The following DTWD2 variants were observed in gnomAD, a reference collection of about 807,000 sequenced individuals.
The protein encoded by DTWD2 is DTW motif tRNA-uridine aminocarboxypropyltransferase 2.
A neutral mutation model predicts 31.8 loss-of-function variants in DTWD2; 39 were observed. The ratio of observed to expected loss-of-function variants is 1.22; its 90% confidence interval spans 0.95 to 1.60. DTWD2 has a LOEUF of 1.60. Ranked by LOEUF, DTWD2 falls within the 40% of genes most tolerant of loss-of-function variation. The probability of loss-of-function intolerance (pLI) is 0.00; values close to 1 mark genes in which losing one functional copy is unlikely to be tolerated. For missense variants in DTWD2, 515 were observed against 381.5 expected (o/e 1.35, Z -2.92); for synonymous variants, 180 against 142.8 (o/e 1.26, Z -1.86).
chr5:118,950,568 A>G (rs1171338897), intron 1 of DTWD2, among the ~76,000 whole-genome samples: 2 of 152,312 alleles, frequency 1.3e-5, no homozygotes, highest in African/African-American at 2.4e-5. Flanking sequence ...CAAGTTGGAC[A>G]GTTCGATTTC....
chr5:118,934,856 C>T (rs145108030), intron 3 of DTWD2, among the ~76,000 whole-genome samples: 19 of 152,230 alleles, frequency 1.2e-4, no homozygotes, highest in African/African-American at 4.3e-4. Context: ...GACTTTAAGA[C>T]AAAGAGTATT....
At chr5:118,852,485 C>T (rs73236934) in intron 4 of DTWD2, among the ~76,000 whole-genome samples, 6,564 of 152,144 alleles carry the variant, frequency 0.043, 477 homozygotes, top group African/African-American at 0.15. Flanking sequence ...TTCAGGGTCC[C>T]TGAATTCCCA....
At chr5:118,897,343 A>G (rs1434981916) in intron 4 of DTWD2, among the ~76,000 whole-genome samples, 6 of 152,200 alleles carry the variant, frequency 3.9e-5, no homozygotes, top group Non-Finnish European at 8.8e-5. Context: ...TAGAGACAGA[A>G]TGTCTCTAAT....
chr5:118,905,393 CG>C (rs1753305583), intron 4 of DTWD2, among the ~76,000 whole-genome samples: 1 of 152,004 alleles, frequency 6.6e-6, no homozygotes, highest in Non-Finnish European at 1.5e-5. Context: ...AGCTGCAGAG[CG>C]TATAACATTC....
chr5:118,867,867 G>A (rs1752411867), intron 4 of DTWD2, among the ~76,000 whole-genome samples: 1 of 152,118 alleles, frequency 6.6e-6, no homozygotes, highest in East Asian at 1.9e-4. Context: ...ACAAACCAAC[G>A]CAATTCCTAT....
At chr5:118,878,846 T>C (rs1456592633) in intron 4 of DTWD2, among the ~76,000 whole-genome samples, 1 of 152,046 alleles carries the variant, frequency 6.6e-6, no homozygotes, top group African/African-American at 2.4e-5. Context: ...TATGAACACT[T>C]CAAAAGAAGA....
intron 2 of DTWD2, 121 bp downstream of exon 2, chr5:118,944,438 A>T (rs568043597): frequency 2.7e-5 from 27 of 1,014,240 alleles, no homozygotes; most frequent in Middle Eastern, 5.1e-4. Flanking sequence ...AAGAGAAAGC[A>T]TTTATCACCA....
intron 4 of DTWD2, among the ~76,000 whole-genome samples, chr5:118,877,327 C>G (rs1752643077): frequency 6.6e-6 from 1 of 151,936 alleles, no homozygotes; most frequent in South Asian, 2.1e-4. Flanking sequence ...AAAAAATTAG[C>G]CAGGCGTGGT....
intron 1 of DTWD2, among the ~76,000 whole-genome samples, chr5:118,951,756 G>T (rs897221224): frequency 3.9e-5 from 6 of 152,118 alleles, no homozygotes; most frequent in African/African-American, 1.4e-4. Context: ...AAAAGAGAGG[G>T]TAGAGACATG....
At chr5:118,866,127 T>C (rs961745366) in intron 4 of DTWD2, among the ~76,000 whole-genome samples, 5 of 152,154 alleles carry the variant, frequency 3.3e-5, no homozygotes, top group South Asian at 2.1e-4. Context: ...ATGAAAGTTA[T>C]GAATCTAAAA....
chr5:118,870,782 A>C (rs529227919), intron 4 of DTWD2, among the ~76,000 whole-genome samples: 13 of 152,276 alleles, frequency 8.5e-5, no homozygotes, highest in African/African-American at 2.6e-4. Flanking sequence ...TCCTTCCATG[A>C]AGGACTTCTC....
At chr5:118,873,384 A>G (rs1050515992) in intron 4 of DTWD2, among the ~76,000 whole-genome samples, 1 of 152,188 alleles carries the variant, frequency 6.6e-6, no homozygotes, top group Non-Finnish European at 1.5e-5. Flanking sequence ...ACACTTGCTT[A>G]AAGAGCAGCC....
Position 118,891,417 on chromosome 5 carries a change from G to C in DTWD2, c.597+37120C>G, listed in dbSNP as rs17144795. ...GCTCTTCTTTCTCTGAATTAATTAT[G>C]ACTACTGGACCAATTTAATACAGTG... On this transcript the variant is annotated intron_variant, in intron 4 of 5. Transcript: ENST00000510708. Among the ~76,000 whole-genome samples, 556 of 152,220 alleles carry C rather than the reference G, an allele frequency of 3.7e-3. 8 individuals are homozygous for C. Among genetic ancestry groups the C allele is most frequent in the East Asian group, 0.029 (149 of 5,180 alleles).
At chr5:118,925,838 C>A (rs1435900867) in intron 4 of DTWD2, among the ~76,000 whole-genome samples, 10 of 151,312 alleles carry the variant, frequency 6.6e-5, no homozygotes, top group Non-Finnish European at 1.3e-4. Flanking sequence ...AAGCAAGACT[C>A]CATCTCAAAA....
chr5:118,922,133 GT>G (rs2149575797), intron 4 of DTWD2, among the ~76,000 whole-genome samples: 1 of 152,284 alleles, frequency 6.6e-6, no homozygotes, highest in East Asian at 1.9e-4. Flanking sequence ...CAAGGGTCTT[GT>G]GTATAAAATT....
intron 1 of DTWD2, among the ~76,000 whole-genome samples, chr5:118,976,901 C>T (rs1339930169): frequency 1.3e-5 from 2 of 152,158 alleles, no homozygotes; most frequent in African/African-American, 2.4e-5. Context: ...ACATTTCAGG[C>T]CAATATCCCT....
intron 2 of DTWD2, among the ~76,000 whole-genome samples, chr5:118,943,665 G>C (rs763329455): frequency 6.6e-6 from 1 of 152,126 alleles, no homozygotes; most frequent in African/African-American, 2.4e-5. Context: ...TTGTACCCGG[G>C]AGGCAGAGAT....
At chr5:118,967,466 TG>T (rs1189275985) in intron 1 of DTWD2, among the ~76,000 whole-genome samples, 1 of 152,132 alleles carries the variant, frequency 6.6e-6, no homozygotes, top group Non-Finnish European at 1.5e-5. Context: ...ATTCTAGGGC[TG>T]GGGCAGGGAA....
At chr5:118,927,359 T>C (rs1753830960) in intron 4 of DTWD2, among the ~76,000 whole-genome samples, 1 of 151,740 alleles carries the variant, frequency 6.6e-6, no homozygotes. Flanking sequence ...CCCAAAAAGA[T>C]GAAATATAAA....
Sources: allele counts gnomAD v4.1 joint callset (sites outside exome capture counted in the v4.1 genomes callset), GRCh38; gene constraint gnomAD v4.1.1; transcripts MANE v1.5; gene names NCBI Gene and HGNC (gene_info 2026-07-23, HGNC 2026-07-21).